The following NTM variants were observed in gnomAD, a reference collection of about 807,000 sequenced individuals.
NTM encodes IgLON family member 2.
In NTM, 13 loss-of-function variants were observed where a neutral mutation model predicts 42.1. The ratio of observed to expected loss-of-function variants is 0.31; its 90% CI spans 0.20 to 0.49. The LOEUF (loss-of-function observed/expected upper bound fraction) is 0.49, where lower values mean the gene tolerates loss of function less well. Ranked by LOEUF, NTM falls within the 20% of genes least tolerant of loss-of-function variation. The pLI is 0.99. For missense variants in NTM, 373 were observed against 452.8 expected (o/e 0.82, Z 1.60); for synonymous variants, 187 against 179.2 (o/e 1.04, Z -0.35).
chr11:131,787,460 G>GCCTCCT (rs893344072), intron 1 of NTM, among the ~76,000 whole-genome samples: 1 of 150,860 alleles, frequency 6.6e-6, no homozygotes, highest in East Asian at 1.9e-4. Context: ...GCTCTCTGCA[G>GCCTCCT]CCTCCTCCTC....
intron 1 of NTM, among the ~76,000 whole-genome samples, chr11:131,839,488 G>C (rs1592202895): frequency 6.6e-6 from 1 of 152,220 alleles, no homozygotes; most frequent in East Asian, 1.9e-4. Context: ...GAAGCCCTCA[G>C]GCCATGCTAT....
intron 2 of NTM, among the ~76,000 whole-genome samples, chr11:132,059,749 C>A (rs1049821709): frequency 1.3e-5 from 2 of 151,716 alleles, no homozygotes; most frequent in Admixed American, 6.6e-5. Flanking sequence ...CCCATCACCC[C>A]CTGCCACGAG....
intron 4 of NTM, among the ~76,000 whole-genome samples, chr11:132,242,587 G>A (rs1188891901): frequency 6.6e-6 from 1 of 152,172 alleles, no homozygotes; most frequent in East Asian, 1.9e-4. Flanking sequence ...TTAGGCCTGC[G>A]CAGCCTGGGC....
chr11:131,796,716 G>T (rs79753420), intron 1 of NTM, among the ~76,000 whole-genome samples: 5,479 of 152,262 alleles, frequency 0.036, 152 homozygotes, highest in Non-Finnish European at 0.054. Flanking sequence ...CGACATCAGC[G>T]CATGCGTAAG....
At chr11:131,839,366 G>C (rs550303133) in intron 1 of NTM, among the ~76,000 whole-genome samples, 1 of 152,200 alleles carries the variant, frequency 6.6e-6, no homozygotes, top group African/African-American at 2.4e-5. Context: ...CAGGGTATTT[G>C]AGGTTGGTGT....
At chr11:131,423,879 A>T (rs912014321) in intron 1 of NTM, among the ~76,000 whole-genome samples, 1 of 152,172 alleles carries the variant, frequency 6.6e-6, no homozygotes, top group Non-Finnish European at 1.5e-5. Context: ...CTCCAGTGAC[A>T]TCAGCAGCCA....
chr11:132,109,378 G>A (rs1198165530), intron 2 of NTM, among the ~76,000 whole-genome samples: 1 of 151,978 alleles, frequency 6.6e-6, no homozygotes, highest in East Asian at 1.9e-4. Flanking sequence ...ACCATGTGAG[G>A]ACACAGCGAG....
rs147955181 is a variant in NTM, at chr11:132,262,717, A to G, written c.527-44972A>G. On this transcript the variant is annotated intron_variant, in intron 4 of 8. Transcript: ENST00000683400. The stretch of plus-strand genomic sequence containing the variant: ...AACATAGGAATTTTGGAGGAACACA[A>G]ACATCTACTCCATAGCATTCTGACC... 3.3e-3 allele frequency among the ~76,000 whole-genome samples: 509 copies of G among 152,188 alleles called. 4 individuals are homozygous for G. Among genetic ancestry groups the G allele is most frequent in the African/African-American group, 0.011 (464 of 41,518 alleles).
chr11:131,452,723 C>A (rs374160512), intron 1 of NTM, among the ~76,000 whole-genome samples: 2 of 152,268 alleles, frequency 1.3e-5, no homozygotes, highest in African/African-American at 4.8e-5. Flanking sequence ...GGTATGAGCC[C>A]AGCTTCTCTG....
chr11:132,269,567 G>C (rs2093379237), intron 4 of NTM, among the ~76,000 whole-genome samples: 2 of 152,168 alleles, frequency 1.3e-5, no homozygotes, highest in Non-Finnish European at 2.9e-5. Context: ...CTGAAGAATA[G>C]ATATTTTACA....
chr11:131,851,323 G>A (rs1461904111), intron 1 of NTM, among the ~76,000 whole-genome samples: 3 of 152,024 alleles, frequency 2.0e-5, no homozygotes, highest in African/African-American at 7.2e-5. Context: ...TCCAGCACCG[G>A]CATTTCAGGT....
intron 2 of NTM, among the ~76,000 whole-genome samples, chr11:132,024,241 G>A (rs770484596): frequency 7.2e-5 from 11 of 151,956 alleles, no homozygotes; most frequent in Non-Finnish European, 1.2e-4. Flanking sequence ...TGCCTTTACC[G>A]TCAGCTTGTT....
intron 1 of NTM, among the ~76,000 whole-genome samples, chr11:131,528,241 C>G (rs2050773141): frequency 6.6e-6 from 1 of 152,136 alleles, no homozygotes; most frequent in South Asian, 2.1e-4. Context: ...AATATGCCTT[C>G]CCTCTTCAAT....
chr11:132,072,357 A>T (rs2057794508), intron 2 of NTM, among the ~76,000 whole-genome samples: 1 of 152,214 alleles, frequency 6.6e-6, no homozygotes, highest in Admixed American at 6.5e-5. Context: ...GTAGGGGTAG[A>T]TACCAGAGGA....
intron 1 of NTM, among the ~76,000 whole-genome samples, chr11:131,849,270 A>G (rs1472192594): frequency 1.3e-5 from 2 of 152,184 alleles, no homozygotes; most frequent in Non-Finnish European, 2.9e-5. Context: ...CATTGCTGTA[A>G]AGAAATACCT....
intron 1 of NTM, among the ~76,000 whole-genome samples, chr11:131,722,938 T>A (rs1176004358): frequency 6.6e-6 from 1 of 152,228 alleles, no homozygotes; most frequent in Non-Finnish European, 1.5e-5. Context: ...TGGGCTGCAA[T>A]TGATATTATT....
At chr11:131,546,706 G>T (rs767341624) in intron 1 of NTM, 1 of 152,294 alleles carries the variant, frequency 6.6e-6, no homozygotes, top group Non-Finnish European at 1.5e-5. Context: ...CCACATAAAC[G>T]AGGAGTGACA....
chr11:131,501,041 G>A (rs1045171000), intron 1 of NTM, among the ~76,000 whole-genome samples: 3 of 151,808 alleles, frequency 2.0e-5, no homozygotes, highest in Admixed American at 6.6e-5. Context: ...AATTCAGATG[G>A]TCTGACTTCC....
At chr11:132,128,661 T>A (rs975461681) in intron 2 of NTM, among the ~76,000 whole-genome samples, 1 of 151,656 alleles carries the variant, frequency 6.6e-6, no homozygotes, top group African/African-American at 2.4e-5. Flanking sequence ...ACACCTGTAA[T>A]CCCAGCACTT....
Sources: allele counts gnomAD v4.1 joint callset (sites outside exome capture counted in the v4.1 genomes callset), GRCh38; gene constraint gnomAD v4.1.1; transcripts MANE v1.5; gene names NCBI Gene and HGNC (gene_info 2026-07-23, HGNC 2026-07-21).